The following TNR variants were observed in gnomAD, a reference collection of about 807,000 sequenced individuals.
The protein encoded by TNR is tenascin R, also known as tenascin-R.
A neutral mutation model predicts 150.4 loss-of-function variants in TNR; 45 were observed. That is an observed-to-expected ratio of 0.30 (90% CI 0.24 to 0.38). The LOEUF (loss-of-function observed/expected upper bound fraction) is 0.38. Ranked by LOEUF, TNR falls within the 10% of genes least tolerant of loss-of-function variation. TNR has a pLI of 1.00. For synonymous variants in TNR, 687 were observed against 678.4 expected, an observed-to-expected ratio of 1.01 and a Z score of -0.20; for missense variants, 1,544 against 1,759.1, an observed-to-expected ratio of 0.88 and a Z score of 2.19.
intron 1 of TNR, among the ~76,000 whole-genome samples, chr1:175,678,858 T>C (rs1433033635): frequency 1.3e-5 from 2 of 152,180 alleles, no homozygotes; most frequent in Admixed American, 6.5e-5. Flanking sequence ...CTAGGAGATA[T>C]CCTTCAGGCA....
At chr1:175,717,406 A>G (rs1462658864) in intron 1 of TNR, among the ~76,000 whole-genome samples, 1 of 152,146 alleles carries the variant, frequency 6.6e-6, no homozygotes, top group Non-Finnish European at 1.5e-5. Flanking sequence ...TACCCAGGTG[A>G]CAAAACTGCA....
chr1:175,354,437 T>G lies in TNR; in HGVS notation c.3336A>C (p.Ala1112=), dbSNP rs140749376. 1 of 1,614,168 alleles carries G rather than the reference T, an allele frequency of 6.2e-7. No homozygotes were observed. Among genetic ancestry groups the G allele is most frequent in the South Asian group, 1.1e-5 (1 of 91,082 alleles). The change falls in exon 18 of 23, where the codon GCA becomes GCC. Residue 1112 remains alanine, a synonymous_variant. Coordinates refer to ENST00000367674, the MANE Select transcript of TNR (RefSeq NM_003285.3). ...TGATGCTGCTCCACGTGGTGTCCTG[T>G]GCTGCCTGCAGGAGCACCGTGTAGT... The part of the protein sequence containing the change: ...NTDYTVLLQA[A]QDTTWSSITS...
chr1:175,443,188 G>T (rs751509510), intron 2 of TNR, among the ~76,000 whole-genome samples: 1 of 151,992 alleles, frequency 6.6e-6, no homozygotes, highest in Non-Finnish European at 1.5e-5. Flanking sequence ...ACTTTATGCC[G>T]CAATAGAAAA....
intron 1 of TNR, among the ~76,000 whole-genome samples, chr1:175,653,979 G>A (rs1665095356): frequency 6.6e-6 from 1 of 152,090 alleles, no homozygotes; most frequent in African/African-American, 2.4e-5. Flanking sequence ...ACATTAGGGG[G>A]CCTTAAGAAT....
intron 1 of TNR, among the ~76,000 whole-genome samples, chr1:175,731,780 G>A (rs1667647405): frequency 6.6e-6 from 1 of 152,148 alleles, no homozygotes; most frequent in Admixed American, 6.5e-5. Flanking sequence ...GAGCTGTGAT[G>A]TGCCTCCCCA....
At chr1:175,414,512 A>G (rs1456952017) in intron 2 of TNR, among the ~76,000 whole-genome samples, 2 of 152,180 alleles carry the variant, frequency 1.3e-5, no homozygotes, top group African/African-American at 2.4e-5. Context: ...TACTCAAGAG[A>G]TCCGTGCATT....
At chr1:175,330,631 G>C (rs1177160552) in intron 20 of TNR, 1 of 157,728 alleles carries the variant, frequency 6.3e-6, no homozygotes, top group East Asian at 1.8e-4. Context: ...TCGAAAGCAA[G>C]AGGTGAAAAC....
chr1:175,740,774 C>T (rs1324812808), intron 1 of TNR, among the ~76,000 whole-genome samples: 2 of 152,216 alleles, frequency 1.3e-5, no homozygotes, highest in Non-Finnish European at 2.9e-5. Flanking sequence ...CCTTAGTCAT[C>T]CTTGCCACAT....
intron 2 of TNR, among the ~76,000 whole-genome samples, chr1:175,436,421 T>G (rs866487777): frequency 6.6e-6 from 1 of 152,226 alleles, no homozygotes; most frequent in African/African-American, 2.4e-5. Context: ...TTCTTCCAGT[T>G]AATCGAATCG....
chr1:175,336,139 C>G (rs766800282), intron 19 of TNR, among the ~76,000 whole-genome samples: 2 of 152,194 alleles, frequency 1.3e-5, no homozygotes, highest in Non-Finnish European at 2.9e-5. Flanking sequence ...AGGCTTGGCT[C>G]TCAAACGAAT....
chr1:175,601,301 C>T lies in TNR; in HGVS notation c.-164-72932G>A, dbSNP rs141208500. Among the ~76,000 whole-genome samples, 217 of 152,276 alleles carry T rather than the reference C, an allele frequency of 1.4e-3. 3 individuals carry two copies. The highest frequency in any genetic ancestry group is 4.8e-3 in the African/African-American group (200 of 41,552). On this transcript the variant is annotated intron_variant, in intron 1 of 22. Coordinates refer to ENST00000367674, the MANE Select transcript of TNR (RefSeq NM_003285.3). ...TGCGGCCCTGAGGCGCTGAAAAAGC[C>T]GAAACCCTCGCCTTTGAGGTTGGCC...
chr1:175,635,660 A>G (rs1664470113), intron 1 of TNR, among the ~76,000 whole-genome samples: 1 of 152,160 alleles, frequency 6.6e-6, no homozygotes, highest in Non-Finnish European at 1.5e-5. Context: ...GACTGAATTC[A>G]TTGCAGGAGT....
intron 2 of TNR, among the ~76,000 whole-genome samples, chr1:175,450,285 ACT>A (rs746478583): frequency 6.6e-6 from 1 of 151,632 alleles, no homozygotes; most frequent in Admixed American, 6.6e-5. Context: ...CTTCACAGTC[ACT>A]CTCTCTGTTC....
chr1:175,378,042 G>A (rs1652491801), intron 9 of TNR, among the ~76,000 whole-genome samples: 1 of 152,100 alleles, frequency 6.6e-6, no homozygotes, highest in Non-Finnish European at 1.5e-5. Context: ...CATGGTGACC[G>A]AGGACACTGC....
intron 1 of TNR, among the ~76,000 whole-genome samples, chr1:175,574,838 A>T (rs973917694): frequency 7.2e-5 from 11 of 152,234 alleles, no homozygotes; most frequent in African/African-American, 2.7e-4. Context: ...AAGAAAGCAC[A>T]TGAGCTCCGT....
intron 1 of TNR, among the ~76,000 whole-genome samples, chr1:175,721,323 G>A (rs918820203): frequency 1.3e-5 from 2 of 152,118 alleles, no homozygotes; most frequent in Admixed American, 1.3e-4. Context: ...ATTTCTTTGA[G>A]TTAGAGTGTA....
intron 2 of TNR, among the ~76,000 whole-genome samples, chr1:175,475,784 T>C (rs943655875): frequency 1.3e-5 from 2 of 151,360 alleles, no homozygotes; most frequent in Non-Finnish European, 3.0e-5. Context: ...AAAAAAAAAC[T>C]CATTCTTACC....
chr1:175,622,002 A>G (rs1252386231), intron 1 of TNR, among the ~76,000 whole-genome samples: 1 of 152,250 alleles, frequency 6.6e-6, no homozygotes, highest in African/African-American at 2.4e-5. Flanking sequence ...AAGAGGGATA[A>G]TAACGTTATT....
chr1:175,316,303 G>A lies in TNR; in HGVS notation c.*7054C>T, dbSNP rs34051570. 0.12 allele frequency: 17,869 copies of A among 152,228 alleles called. 1,383 individuals are homozygous for A. The highest frequency in any genetic ancestry group is 0.26 in the Middle Eastern group (76 of 294). 9.4% of individuals were successfully genotyped at this position (152,228 alleles called of 1,614,324 possible). On this transcript the variant is annotated 3_prime_UTR_variant, in exon 23 of 23. Coordinates refer to ENST00000367674, the MANE Select transcript of TNR (RefSeq NM_003285.3). ...GTAAGGAGTGGGGAAAAGAAACCAGGGGGATAAGTAAACTGAATGTATCTC... is the reference window on the plus strand; with the variant it reads ...GTAAGGAGTGGGGAAAAGAAACCAGAGGGATAAGTAAACTGAATGTATCTC...
Sources: allele counts gnomAD v4.1 joint callset (sites outside exome capture counted in the v4.1 genomes callset), GRCh38; gene constraint gnomAD v4.1.1; transcripts MANE v1.5; gene names NCBI Gene and HGNC (gene_info 2026-07-23, HGNC 2026-07-21).